Variants in IGF2BP3 observed in about 807,000 individuals in gnomAD.
IGF2BP3 encodes the protein insulin-like growth factor 2 mRNA-binding protein 3.
IGF2BP3 carries 9 observed loss-of-function variants against 73.8 expected under a neutral mutation model. The observed-to-expected ratio is 0.12, with a 90% CI of 0.07 to 0.21. IGF2BP3 has a LOEUF of 0.21. IGF2BP3 is among the 10% of genes least tolerant of loss of function. IGF2BP3 has a pLI of 1.00. For missense variants in IGF2BP3, 542 were observed against 714.0 expected (o/e 0.76, Z 2.75); for synonymous variants, 258 against 256.7 (o/e 1.01, Z -0.05).
intron 2 of IGF2BP3, chr7:23,450,795 T>G (rs1439415552): frequency 6.6e-6 from 1 of 152,138 alleles, no homozygotes; most frequent in Non-Finnish European, 1.5e-5. Flanking sequence ...TCCCAACACT[T>G]TGGGGAGGCC....
At chr7:23,375,407 G>A (rs770306626) in intron 3 of IGF2BP3, among the ~76,000 whole-genome samples, 1 of 152,114 alleles carries the variant, frequency 6.6e-6, no homozygotes, top group Non-Finnish European at 1.5e-5. Flanking sequence ...CACAGTCTGG[G>A]GGAGTCAAGC....
chr7:23,347,937 T>C (rs985040168), intron 6 of IGF2BP3: 9 of 541,776 alleles, frequency 1.7e-5, no homozygotes, highest in South Asian at 2.7e-5. Flanking sequence ...CCCCTTTCTC[T>C]TTCCTCAATC....
chr7:23,470,156 A>T lies in IGF2BP3; in HGVS notation c.-46T>A, dbSNP rs1265516822. ...AAAAAAATAACGAGAAAAAACGAAA[A>T]ATTAAAACCACCCACGGTGATGGAT... On this transcript the variant is annotated 5_prime_UTR_variant, in exon 1 of 15. Coordinates refer to ENST00000258729, the MANE Select transcript of IGF2BP3 (RefSeq NM_006547.3). 6.6e-6 allele frequency: 10 copies of T among 1,518,738 alleles called. No individual in the cohort carries two copies. Among genetic ancestry groups the T allele is most frequent in the Non-Finnish European group, 8.9e-6 (10 of 1,118,072 alleles). 94.1% of individuals were successfully genotyped at this position (1,518,738 alleles called of 1,614,324 possible).
At chr7:23,335,449 C>G (rs1427826737) in intron 10 of IGF2BP3, among the ~76,000 whole-genome samples, 1 of 151,496 alleles carries the variant, frequency 6.6e-6, no homozygotes, top group African/African-American at 2.4e-5. Flanking sequence ...CCCGGCTAAT[C>G]TAAAAAAGTT....
intron 11 of IGF2BP3, among the ~76,000 whole-genome samples, chr7:23,318,840 T>C (rs1025270009): frequency 2.0e-5 from 3 of 152,184 alleles, no homozygotes; most frequent in Admixed American, 6.5e-5. Context: ...GGTGTCAATC[T>C]GGAACCAAGA....
intron 3 of IGF2BP3, among the ~76,000 whole-genome samples, chr7:23,410,558 C>T (rs1368950167): frequency 1.3e-5 from 2 of 152,176 alleles, no homozygotes; most frequent in African/African-American, 4.8e-5. Context: ...CCCTTGCACA[C>T]CCATCACCAG....
At chr7:23,385,640 G>A (rs987969379) in intron 3 of IGF2BP3, among the ~76,000 whole-genome samples, 1 of 151,974 alleles carries the variant, frequency 6.6e-6, no homozygotes, top group Non-Finnish European at 1.5e-5. Context: ...AAAAAGGAAT[G>A]GGAACCTAAA....
Position 23,317,620 on chromosome 7 carries a change from C to A in IGF2BP3, c.1395+19G>T. ...GCATTTGTTACCTGTGGACATAGCA[C>A]ATACTCTAGAGCACATACCTTGAAC... On this transcript the variant is annotated intron_variant, in intron 12 of 14. Coordinates refer to ENST00000258729, the MANE Select transcript of IGF2BP3 (RefSeq NM_006547.3). 6.2e-7 allele frequency: 1 copy of A among 1,604,300 alleles called. No individual in the cohort carries two copies. Among genetic ancestry groups the A allele is most frequent in the South Asian group, 1.1e-5 (1 of 90,922 alleles).
At chr7:23,382,917 A>AAT (rs1785957210) in intron 3 of IGF2BP3, among the ~76,000 whole-genome samples, 1 of 150,990 alleles carries the variant, frequency 6.6e-6, no homozygotes, top group Non-Finnish European at 1.5e-5. Flanking sequence ...AAAAAAAAAA[A>AAT]AATCAATCAG....
chr7:23,465,084 C>G (rs1254849995), intron 2 of IGF2BP3, among the ~76,000 whole-genome samples: 1 of 152,182 alleles, frequency 6.6e-6, no homozygotes, highest in African/African-American at 2.4e-5. Context: ...CAACAGCCCA[C>G]AACATAACAA....
intron 3 of IGF2BP3, chr7:23,394,547 T>C (rs76584400): frequency 0.018 from 2,789 of 152,086 alleles, 94 homozygotes; most frequent in African/African-American, 0.064. Context: ...TGAAAATAAA[T>C]TGGTATGAAG....
At chr7:23,424,884 G>C (rs1787463891) in intron 2 of IGF2BP3, among the ~76,000 whole-genome samples, 1 of 152,178 alleles carries the variant, frequency 6.6e-6, no homozygotes, top group African/African-American at 2.4e-5. Context: ...ATTAGAGAAA[G>C]TGAGCCTCCA....
intron 2 of IGF2BP3, among the ~76,000 whole-genome samples, chr7:23,429,213 T>C (rs997238979): frequency 2.6e-5 from 4 of 152,220 alleles, no homozygotes; most frequent in Admixed American, 6.5e-5. Context: ...TATTTCCAAC[T>C]CAGATTTTGG....
At chr7:23,416,746 C>T (rs1427883095) in intron 3 of IGF2BP3, among the ~76,000 whole-genome samples, 1 of 152,168 alleles carries the variant, frequency 6.6e-6, no homozygotes, top group African/African-American at 2.4e-5. Flanking sequence ...GCGGCATACC[C>T]AGCGTGAATA....
In IGF2BP3 at chr7:23,470,193, GT is replaced by G. The variant is rs992661042; in HGVS notation, c.-84del. The G allele has an allele frequency of 1.2e-5, 14 of 1,145,562 alleles. No individual in the cohort carries two copies. The African/African-American group carries it at 2.2e-4, about 18-fold the overall frequency. The allele number at this position is 1,145,562 out of a possible 1,614,324, so 71.0% of individuals were successfully genotyped here. Reference sequence around the variant, plus strand: ...CCACGGTGATGGATGGATCCAGCTGGTTTTGTTCCCCTCGTCTTCTCGCCTT... The same window carrying G: ...CCACGGTGATGGATGGATCCAGCTGGTTTGTTCCCCTCGTCTTCTCGCCTT... On this transcript the variant is annotated 5_prime_UTR_variant, in exon 1 of 15. Transcript: ENST00000258729.
At chr7:23,394,838 T>C (rs553182818) in intron 3 of IGF2BP3, among the ~76,000 whole-genome samples, 142 of 152,288 alleles carry the variant, frequency 9.3e-4, no homozygotes, top group Middle Eastern at 6.8e-3. Context: ...ATTAACACAA[T>C]GAAGCCATGT....
At position 23,372,212 on chromosome 7, in the gene IGF2BP3, C is replaced by A. The variant is rs274042; in HGVS notation, c.286-10471G>T. On this transcript the variant is annotated intron_variant, in intron 3 of 14. Coordinates refer to ENST00000258729, the MANE Select transcript of IGF2BP3 (RefSeq NM_006547.3). ...GCCTCAGCCTCCCAAGTAGCTGGGA[C>A]TACAGGCACGTGCCTCCACCCCCGG... is the stretch of plus-strand genomic sequence containing the variant. 5.3e-5 allele frequency among the ~76,000 whole-genome samples: 8 copies of A among 151,952 alleles called. 1 individual carries two copies. Among genetic ancestry groups the A allele is most frequent in the Admixed American group, 5.2e-4 (8 of 15,248 alleles).
At chr7:23,422,372 A>G (rs1484332298) in intron 2 of IGF2BP3, among the ~76,000 whole-genome samples, 3 of 152,136 alleles carry the variant, frequency 2.0e-5, no homozygotes, top group Admixed American at 2.0e-4. Flanking sequence ...TTGGGGGGCC[A>G]AGGTGGGAGG....
rs147178291 is a variant in IGF2BP3 at position 23,361,006 on chromosome 7, T to C, written c.401+528A>G. On this transcript the variant is annotated intron_variant, in intron 5 of 14. Coordinates refer to ENST00000258729, the MANE Select transcript of IGF2BP3 (RefSeq NM_006547.3). ...GGGAGACTGTTTGATCTGTCAAGTATTGCCTGTTTACTGCACTGGAATATA... is the reference window on the plus strand; with the variant it reads ...GGGAGACTGTTTGATCTGTCAAGTACTGCCTGTTTACTGCACTGGAATATA... Among the ~76,000 whole-genome samples, 3 of 152,340 alleles carry C rather than the reference T, an allele frequency of 2.0e-5. No individual in the cohort carries two copies. The East Asian group carries it at 5.8e-4, about 29-fold the overall frequency.
Sources: allele counts gnomAD v4.1 joint callset (sites outside exome capture counted in the v4.1 genomes callset), GRCh38; gene constraint gnomAD v4.1.1; transcripts MANE v1.5; gene names NCBI Gene and HGNC (gene_info 2026-07-23, HGNC 2026-07-21).